Variants in RGS7 observed in about 807,000 individuals in gnomAD.
The protein encoded by RGS7 is regulator of G protein signaling 7, also known as regulator of G-protein signaling 7.
RGS7 carries 27 observed loss-of-function variants against 81.1 expected under a neutral mutation model. That is an observed-to-expected ratio of 0.33 (90% CI 0.25 to 0.46). The LOEUF (loss-of-function observed/expected upper bound fraction) is 0.46, where lower values mean the gene tolerates loss of function less well. Ranked by LOEUF, RGS7 falls within the 20% of genes least tolerant of loss-of-function variation. RGS7 has a pLI of 1.00. For missense variants in RGS7, 396 were observed against 607.4 expected, an observed-to-expected ratio of 0.65 and a Z score of 3.66; for synonymous variants, 208 against 207.7, an observed-to-expected ratio of 1.00 and a Z score of -0.01.
chr1:241,335,217 T>C (rs949281461), intron 2 of RGS7, among the ~76,000 whole-genome samples: 2 of 152,170 alleles, frequency 1.3e-5, no homozygotes, highest in African/African-American at 4.8e-5. Flanking sequence ...GATCCTTACA[T>C]CCACTATACC....
chr1:241,259,667 A>AAAATATATATATATAT, intron 2 of RGS7, among the ~76,000 whole-genome samples: 5 of 49,144 alleles, frequency 1.0e-4, no homozygotes, highest in African/African-American at 4.0e-4. Context: ...AAAAAAAAAA[A>AAAATATATATATATAT]ATATATATAT....
At position 241,356,994 on chromosome 1, in the gene RGS7, G is replaced by C. The variant is rs1015189670; in HGVS notation, c.-146C>G. The C allele has an allele frequency of 6.6e-6, 1 of 152,110 alleles. No homozygotes were observed. Among genetic ancestry groups the C allele is most frequent in the Admixed American group, 6.6e-5 (1 of 15,260 alleles). 9.4% of individuals were successfully genotyped at this position (152,110 alleles called of 1,614,324 possible). On this transcript the variant is annotated 5_prime_UTR_variant, in exon 1 of 19. Coordinates refer to ENST00000440928, the MANE Select transcript of RGS7 (RefSeq NM_001364886.1). ...GGCGGCAAGCGGAGCAGCGAGGCAG[G>C]GTAGCTTCATCACACTCGCGGCGGA...
chr1:240,796,468 T>C (rs1022557243), intron 18 of RGS7, among the ~76,000 whole-genome samples: 5 of 152,060 alleles, frequency 3.3e-5, no homozygotes, highest in African/African-American at 7.2e-5. Flanking sequence ...GGCAGATCAC[T>C]TGAGGTCAGG....
rs191994920 is a variant in RGS7, at chr1:240,992,561, G to C, written c.176-9432C>G. On this transcript the variant is annotated intron_variant, in intron 3 of 18. Coordinates refer to ENST00000440928, the MANE Select transcript of RGS7 (RefSeq NM_001364886.1). Reference sequence around the variant, plus strand: ...ACTACAGCTAAGGCCAAGTGCTTTTGTGCCAATCCTAATTATTTTGGCACT... The same window carrying C: ...ACTACAGCTAAGGCCAAGTGCTTTTCTGCCAATCCTAATTATTTTGGCACT... Among the ~76,000 whole-genome samples, 5 of 152,132 alleles carry C rather than the reference G, an allele frequency of 3.3e-5. No individual in the cohort carries two copies. In the South Asian group the frequency reaches 6.2e-4, roughly 19 times the overall value.
At chr1:240,825,981 G>T (rs1401602278) in intron 10 of RGS7, among the ~76,000 whole-genome samples, 1 of 152,190 alleles carries the variant, frequency 6.6e-6, no homozygotes, top group Non-Finnish European at 1.5e-5. Context: ...AGTGGAGAGA[G>T]GTGGCTTAAT....
chr1:241,202,182 A>T (rs1358776632), intron 2 of RGS7, among the ~76,000 whole-genome samples: 1 of 152,210 alleles, frequency 6.6e-6, no homozygotes, highest in Admixed American at 6.5e-5. Flanking sequence ...CAAAAGAGGT[A>T]TTTCTGTACC....
chr1:241,088,323 G>A (rs1189328085), intron 3 of RGS7, among the ~76,000 whole-genome samples: 1 of 151,848 alleles, frequency 6.6e-6, no homozygotes, highest in Non-Finnish European at 1.5e-5. Context: ...AGGGTGAAGA[G>A]GATCAGAACA....
chr1:241,295,421 C>T (rs529849210), intron 2 of RGS7, among the ~76,000 whole-genome samples: 10 of 151,724 alleles, frequency 6.6e-5, no homozygotes, highest in Non-Finnish European at 1.3e-4. Flanking sequence ...CCTCTGCACT[C>T]CAGCCTGGGT....
chr1:241,306,690 TAC>T (rs753661245), intron 2 of RGS7, among the ~76,000 whole-genome samples: 27 of 150,578 alleles, frequency 1.8e-4, no homozygotes, highest in Middle Eastern at 3.5e-3. Flanking sequence ...CACACACTCT[TAC>T]ACACACATAC....
intron 2 of RGS7, among the ~76,000 whole-genome samples, chr1:241,108,650 TC>T (rs995047888): frequency 2.0e-5 from 3 of 152,140 alleles, no homozygotes; most frequent in Admixed American, 1.3e-4. Flanking sequence ...GTTGTCAATG[TC>T]CCCTGAACTA....
chr1:240,777,688 G>C lies in RGS7; in HGVS notation c.*7-1475C>G, dbSNP rs115064829. ...CACTTATAGATTCTTTGTCTAGTGA[G>C]GGCCTTCTCCTTGGTTCATCAATGG... On this transcript the variant is annotated intron_variant, in intron 18 of 18. Transcript: ENST00000440928. 7.2e-3 allele frequency among the ~76,000 whole-genome samples: 1,091 copies of C among 152,256 alleles called. 13 individuals are homozygous for C. The highest frequency in any genetic ancestry group is 0.024 in the South Asian group (114 of 4,818).
At chr1:240,860,032 C>G (rs1661911813) in intron 9 of RGS7, among the ~76,000 whole-genome samples, 1 of 152,022 alleles carries the variant, frequency 6.6e-6, no homozygotes, top group African/African-American at 2.4e-5. Context: ...GTTCTGATTT[C>G]TAGTTTTATA....
At chr1:241,275,672 T>A (rs2078156537) in intron 2 of RGS7, among the ~76,000 whole-genome samples, 1 of 152,240 alleles carries the variant, frequency 6.6e-6, no homozygotes. Context: ...GAACTTCTTT[T>A]TCTAATGATT....
At chr1:241,138,381 A>G (rs1184930238) in intron 2 of RGS7, among the ~76,000 whole-genome samples, 1 of 152,126 alleles carries the variant, frequency 6.6e-6, no homozygotes, top group Non-Finnish European at 1.5e-5. Context: ...GGAGAGGAAT[A>G]TCTTCAGGAT....
At position 241,245,873 on chromosome 1, in the gene RGS7, G is replaced by C. The variant is rs560146333; in HGVS notation, c.78+109826C>G. ...TAATCCCAGCACTTTGGGAGGCCGAGGTGGGTGGATCATGAGGTCAGGAGA... is the reference window on the plus strand; with the variant it reads ...TAATCCCAGCACTTTGGGAGGCCGACGTGGGTGGATCATGAGGTCAGGAGA... On this transcript the variant is annotated intron_variant, in intron 2 of 18. Coordinates refer to ENST00000440928, the MANE Select transcript of RGS7 (RefSeq NM_001364886.1). Among the ~76,000 whole-genome samples the C allele has an allele frequency of 5.9e-5, 9 of 152,006 alleles. No individual in the cohort carries two copies. The East Asian group carries it at 1.7e-3, about 30-fold the overall frequency.
At chr1:241,306,599 C>A (rs2080168142) in intron 2 of RGS7, among the ~76,000 whole-genome samples, 1 of 151,538 alleles carries the variant, frequency 6.6e-6, no homozygotes, top group African/African-American at 2.4e-5. Flanking sequence ...TACACACACA[C>A]CTTCACAGGC....
chr1:240,800,785 G>A, intron 17 of RGS7, 64 bp from the exon 18 acceptor site: 4 of 890,968 alleles, frequency 4.5e-6, no homozygotes, highest in South Asian at 1.6e-5. Flanking sequence ...AGTTCCAAAG[G>A]CACTGGCACA....
chr1:240,997,331 A>C (rs374630911), intron 3 of RGS7, among the ~76,000 whole-genome samples: 2 of 152,092 alleles, frequency 1.3e-5, no homozygotes, highest in East Asian at 1.9e-4. Context: ...TTGATGATAA[A>C]ATTATATTCA....
intron 3 of RGS7, among the ~76,000 whole-genome samples, chr1:240,989,007 G>C (rs1299861932): frequency 6.6e-6 from 1 of 152,080 alleles, no homozygotes; most frequent in African/African-American, 2.4e-5. Context: ...AATCAGATCT[G>C]AACACAAACA....
Sources: allele counts gnomAD v4.1 joint callset (sites outside exome capture counted in the v4.1 genomes callset), GRCh38; gene constraint gnomAD v4.1.1; transcripts MANE v1.5; gene names NCBI Gene and HGNC (gene_info 2026-07-23, HGNC 2026-07-21).